Variants in DMD observed in about 807,000 individuals in gnomAD.
DMD encodes mutant dystrophin.
In DMD, 63 loss-of-function variants were observed where a neutral mutation model predicts 330.1. That is an observed-to-expected ratio of 0.19 (90% CI 0.16 to 0.24). DMD has a LOEUF of 0.24. Among genes scored for constraint, DMD ranks in the 10% least tolerant of loss-of-function variants. DMD has a pLI of 1.00. For missense variants in DMD, 3,344 were observed against 2,684.1 expected, an observed-to-expected ratio of 1.25 and a Z score of -5.43; for synonymous variants, 1,223 against 959.8, an observed-to-expected ratio of 1.27 and a Z score of -5.07.
intron 2 of DMD, among the ~76,000 whole-genome samples, chrX:32,895,999 G>C (rs2085681045): frequency 9.0e-6 from 1 of 111,069 alleles, no homozygotes; most frequent in African/African-American, 3.3e-5. Context: ...ATCTTGCCGA[G>C]GTTTAAATGA....
At chrX:31,340,735 C>T (rs5927007) in intron 61 of DMD, among the ~76,000 whole-genome samples, 7,435 of 111,838 alleles carry the variant, frequency 0.066, 210 homozygotes, top group Middle Eastern at 0.13. Flanking sequence ...TATGCTAAAT[C>T]TCATGCCTCT....
At chrX:31,488,572 G>C (rs1339517321) in intron 57 of DMD, among the ~76,000 whole-genome samples, 1 of 111,735 alleles carries the variant, frequency 8.9e-6, no homozygotes, top group Non-Finnish European at 1.9e-5. Flanking sequence ...ATTTGTTCAA[G>C]CCATTGACCT....
intron 67 of DMD, among the ~76,000 whole-genome samples, chrX:31,184,689 CA>C: frequency 1.2e-5 from 1 of 83,845 alleles, no homozygotes; most frequent in Non-Finnish European, 2.2e-5. Context: ...GCACTATTCA[CA>C]ATAGCAAAGA....
At chrX:32,330,769 A>G (rs1161456808) in intron 41 of DMD, among the ~76,000 whole-genome samples, 2 of 111,453 alleles carry the variant, frequency 1.8e-5, no homozygotes, top group African/African-American at 6.5e-5. Context: ...ATAAATGTTT[A>G]TTCAATGAAA....
intron 1 of DMD, among the ~76,000 whole-genome samples, chrX:33,113,977 A>G (rs995722910): frequency 1.8e-5 from 2 of 111,491 alleles, no homozygotes; most frequent in African/African-American, 6.5e-5. Flanking sequence ...GTTATACTAT[A>G]AATGTAATAT....
chrX:32,307,284 T>C (rs2097543972), intron 42 of DMD, among the ~76,000 whole-genome samples: 1 of 111,252 alleles, frequency 9.0e-6, no homozygotes, highest in South Asian at 3.7e-4. Flanking sequence ...TGGAACAGAA[T>C]TTTGGGTCAG....
At chrX:33,109,580 TA>T (rs57732276) in intron 1 of DMD, among the ~76,000 whole-genome samples, 35 of 103,976 alleles carry the variant, frequency 3.4e-4, no homozygotes, top group East Asian at 6.0e-4. Flanking sequence ...AGTGTAGTGC[TA>T]AAAAAAAAAA....
intron 50 of DMD, among the ~76,000 whole-genome samples, chrX:31,787,868 C>A (rs1290630049): frequency 8.9e-6 from 1 of 111,746 alleles, no homozygotes; most frequent in Non-Finnish European, 1.9e-5. Flanking sequence ...ACCAACCATA[C>A]AAAAGAGATC....
chrX:33,265,367 T>TTTTA (rs770453516), intron 1 of DMD, among the ~76,000 whole-genome samples: 8 of 111,182 alleles, frequency 7.2e-5, no homozygotes, highest in African/African-American at 2.6e-4. Context: ...GCAAACTACC[T>TTTTA]TTTATTTATT....
chrX:32,395,877 C>T (rs1431672325), intron 30 of DMD, among the ~76,000 whole-genome samples: 1 of 111,151 alleles, frequency 9.0e-6, no homozygotes, highest in Non-Finnish European at 1.9e-5. Context: ...AGCTACAGAA[C>T]CTTAAGTTTC....
At chrX:31,178,619 G>C in intron 70 of DMD, 50 bp downstream of exon 70, 4 of 1,182,620 alleles carry the variant, frequency 3.4e-6, no homozygotes, top group South Asian at 3.8e-5. Flanking sequence ...GCTGAGAGGA[G>C]TTCAAATATA....
intron 55 of DMD, among the ~76,000 whole-genome samples, chrX:31,620,245 C>A (rs973182366): frequency 1.8e-5 from 2 of 110,055 alleles, no homozygotes; most frequent in Non-Finnish European, 1.9e-5. Flanking sequence ...AGGGTAGAGA[C>A]AGTAGTATTG....
chrX:32,459,844 G>C (rs2098376959), intron 25 of DMD, among the ~76,000 whole-genome samples: 1 of 111,028 alleles, frequency 9.0e-6, no homozygotes, highest in Non-Finnish European at 1.9e-5. Context: ...ATGTAAGTGT[G>C]AAAGTCCTCA....
chrX:32,549,602 A>C (rs2049319940), intron 16 of DMD, among the ~76,000 whole-genome samples: 1 of 112,180 alleles, frequency 8.9e-6, no homozygotes, highest in Admixed American at 9.5e-5. Context: ...AAATTTGAAG[A>C]ATTTTTCTAT....
Position 31,423,383 on chromosome X carries a change from C to T in DMD, c.9084+21098G>A, listed in dbSNP as rs190811707. The stretch of plus-strand genomic sequence containing the variant: ...CAGCTTCCCAAAGCTTCTTATTTTA[C>T]TGGAAAAAAAAATCCCTTAGCAATT... On this transcript the variant is annotated intron_variant, in intron 60 of 78. Transcript: ENST00000357033. Among the ~76,000 whole-genome samples the T allele has an allele frequency of 5.4e-5, 6 of 111,241 alleles. No individual in the cohort carries two copies. In the Admixed American group the frequency reaches 5.7e-4, roughly 11 times the overall value.
intron 48 of DMD, among the ~76,000 whole-genome samples, chrX:31,842,234 G>C (rs2093331405): frequency 8.9e-6 from 1 of 111,888 alleles, no homozygotes; most frequent in Non-Finnish European, 1.9e-5. Context: ...GGAGCCTGAA[G>C]GTGTAACTGA....
chrX:32,922,567 A>G (rs959110305), intron 2 of DMD, among the ~76,000 whole-genome samples: 2 of 112,384 alleles, frequency 1.8e-5, no homozygotes, highest in Admixed American at 1.9e-4. Flanking sequence ...TTAAATTCTC[A>G]TAAGGAGCAC....
intron 60 of DMD, among the ~76,000 whole-genome samples, chrX:31,417,300 C>CT (rs1267616321): frequency 2.3e-3 from 245 of 105,559 alleles, no homozygotes; most frequent in African/African-American, 6.2e-3. Flanking sequence ...TCTTTTTTTT[C>CT]TTTTTTTTTT....
intron 1 of DMD, among the ~76,000 whole-genome samples, chrX:33,047,222 T>A (rs746571384): frequency 5.3e-5 from 6 of 112,507 alleles, no homozygotes; most frequent in Non-Finnish European, 9.4e-5. Flanking sequence ...TCACTGATCG[T>A]GTTGCTGACA....
Sources: gnomAD v4.1 joint callset for allele counts (sites outside exome capture counted in the v4.1 genomes callset) on GRCh38, gnomAD v4.1.1 for gene constraint, MANE v1.5 for transcripts, NCBI Gene and HGNC (gene_info 2026-07-23, HGNC 2026-07-21) for gene names.